The following DLG5 variants were observed in gnomAD, a reference collection of about 807,000 sequenced individuals.
DLG5 encodes disks large homolog 5.
DLG5 carries 48 observed loss-of-function variants against 189.8 expected under a neutral mutation model. The ratio of observed to expected loss-of-function variants is 0.25; its 90% CI spans 0.20 to 0.32. The LOEUF is 0.32. Among genes scored for constraint, DLG5 ranks in the 10% least tolerant of loss-of-function variants. The pLI, the probability that DLG5 is intolerant of heterozygous loss-of-function variation, is 1.00. For synonymous variants in DLG5, 1,016 were observed against 1,054.1 expected (o/e 0.96, Z 0.70); for missense variants, 2,160 against 2,544.7 (o/e 0.85, Z 3.25).
chr10:77,836,048 A>T, intron 7 of DLG5, 126 bp from the exon 8 acceptor site: 2 of 960,212 alleles, frequency 2.1e-6, no homozygotes, highest in Non-Finnish European at 3.0e-6. Context: ...CACGGAGCCC[A>T]TCGCAGCACA....
intron 20 of DLG5, among the ~76,000 whole-genome samples, chr10:77,813,474 C>T (rs1055868112): frequency 1.3e-5 from 2 of 152,166 alleles, no homozygotes; most frequent in African/African-American, 2.4e-5. Flanking sequence ...AAAGTGTTCC[C>T]ACTTCCCAAA....
At chr10:77,862,456 G>A (rs191404453) in intron 2 of DLG5, among the ~76,000 whole-genome samples, 60 of 152,290 alleles carry the variant, frequency 3.9e-4, no homozygotes, top group African/African-American at 1.3e-3. Flanking sequence ...CCAAATGCTG[G>A]CAAGGATACA....
intron 1 of DLG5, among the ~76,000 whole-genome samples, chr10:77,875,068 T>C (rs913041845): frequency 3.3e-5 from 5 of 152,224 alleles, no homozygotes; most frequent in African/African-American, 1.2e-4. Context: ...TTAGTCCCAT[T>C]TCACAGAGGA....
chr10:77,806,718 A>ACGGCCCCCCCC, intron 26 of DLG5, 40 bp downstream of exon 26: 1 of 1,333,654 alleles, frequency 7.5e-7, no homozygotes, highest in Non-Finnish European at 1.1e-6. Flanking sequence ...GCCCTCGGCG[A>ACGGCCCCCCCC]CCCCTGCCCC....
At chr10:77,811,008 C>T in intron 23 of DLG5, 86 bp downstream of exon 23, 1 of 1,516,252 alleles carries the variant, frequency 6.6e-7, no homozygotes, top group Non-Finnish European at 8.9e-7. Flanking sequence ...AGGCCAGCTG[C>T]CCAGTGCCCA....
chr10:77,887,493 A>C (rs1445648635), intron 1 of DLG5, among the ~76,000 whole-genome samples: 2 of 152,218 alleles, frequency 1.3e-5, no homozygotes, highest in African/African-American at 2.4e-5. Context: ...TTTTTTAAAT[A>C]AGCACTGTTG....
chr10:77,840,497 C>T (rs913888358), intron 7 of DLG5, among the ~76,000 whole-genome samples: 2 of 152,172 alleles, frequency 1.3e-5, no homozygotes, highest in African/African-American at 4.8e-5. Context: ...GCGGAAGGAT[C>T]GCTTGAGTCC....
intron 13 of DLG5, among the ~76,000 whole-genome samples, chr10:77,827,489 G>A (rs1309053538): frequency 6.6e-6 from 1 of 152,188 alleles, no homozygotes; most frequent in African/African-American, 2.4e-5. Context: ...GCCTCCCAAA[G>A]TGCCATGATT....
At chr10:77,882,028 C>T (rs770687288) in intron 1 of DLG5, among the ~76,000 whole-genome samples, 8 of 152,244 alleles carry the variant, frequency 5.3e-5, no homozygotes, top group Admixed American at 2.0e-4. Context: ...TCATCTACTT[C>T]GTGGGCTGCA....
chr10:77,828,616 C>T (rs1405011910), intron 13 of DLG5, among the ~76,000 whole-genome samples: 1 of 151,876 alleles, frequency 6.6e-6, no homozygotes, highest in Non-Finnish European at 1.5e-5. Context: ...GCACTCCAGC[C>T]TGAGGGACAG....
At chr10:77,934,852 G>T in the DLG5 span, among the ~76,000 whole-genome samples, 19,071 of 85,082 alleles carry the variant, frequency 0.22, 3,136 homozygotes, top group African/African-American at 0.5. Context: ...CTTTTTTTTT[G>T]TTTTTTTGTT....
chr10:77,809,357 G>C (rs1271760675), intron 24 of DLG5, among the ~76,000 whole-genome samples, 190 bp downstream of exon 24: 3 of 152,222 alleles, frequency 2.0e-5, no homozygotes, highest in African/African-American at 4.8e-5. Context: ...AGTGAGCTGA[G>C]ATTGTGCCAG....
chr10:77,883,691 CTTTTTTTTTTT>C (rs36028891), intron 1 of DLG5, among the ~76,000 whole-genome samples: 1 of 96,460 alleles, frequency 1.0e-5, no homozygotes, highest in African/African-American at 4.1e-5. Context: ...TAACATTGTT[CTTTTTTTTTTT>C]TTTTTTTTTT....
At chr10:77,906,639 T>TC (rs1295275294) in intron 1 of DLG5, among the ~76,000 whole-genome samples, 2 of 148,772 alleles carry the variant, frequency 1.3e-5, no homozygotes, top group South Asian at 2.2e-4. Flanking sequence ...TTTTTTTTTT[T>TC]CCTGAGATGG....
In DLG5 at chr10:77,859,796, C is replaced by T. The variant is rs147925252; in HGVS notation, c.374-2904G>A. 2.1e-3 allele frequency among the ~76,000 whole-genome samples: 327 copies of T among 152,342 alleles called. 1 individual carries two copies. The highest frequency in any genetic ancestry group is 7.6e-3 in the African/African-American group (318 of 41,570). On this transcript the variant is annotated intron_variant, in intron 2 of 31. Transcript: ENST00000372391. ...CAGCCAGGATTTCTCTGCTCCAGGC[C>T]GCACCTTTGGGGTCAAAATATTCTT...
chr10:77,911,540 T>C (rs1846220891), intron 1 of DLG5, among the ~76,000 whole-genome samples: 1 of 152,208 alleles, frequency 6.6e-6, no homozygotes, highest in African/African-American at 2.4e-5. Flanking sequence ...TACATTTGGA[T>C]AGCAGATTGG....
At chr10:77,810,294 G>T (rs73299466) in intron 23 of DLG5, among the ~76,000 whole-genome samples, 8,055 of 152,304 alleles carry the variant, frequency 0.053, 312 homozygotes, top group African/African-American at 0.088. Context: ...GGGGGCTTCA[G>T]GGGAGATGCC....
In DLG5 at chr10:77,917,178, T is replaced by A. The variant is rs527737930; in HGVS notation, c.304+9039A>T. Among the ~76,000 whole-genome samples the A allele has an allele frequency of 6.1e-3, 916 of 151,108 alleles. 6 individuals are homozygous for A. Among genetic ancestry groups the A allele is most frequent in the Admixed American group, 0.01 (157 of 15,156 alleles). On this transcript the variant is annotated intron_variant, in intron 1 of 31. Coordinates refer to ENST00000372391, the MANE Select transcript of DLG5 (RefSeq NM_004747.4). Reference sequence around the variant, plus strand: ...GGCAAAGCCCCGTCTCTTAAAAAAATACAAAAACAAAAAATCAGTCGGGCA... The same window carrying A: ...GGCAAAGCCCCGTCTCTTAAAAAAAAACAAAAACAAAAAATCAGTCGGGCA...
At chr10:77,869,261 G>A in intron 1 of DLG5, 64 bp from the exon 2 acceptor site, 1 of 1,489,406 alleles carries the variant, frequency 6.7e-7, no homozygotes, top group Non-Finnish European at 9.3e-7. Context: ...CCCCAAGCCA[G>A]CTGATCATCA....
Sources: allele counts gnomAD v4.1 joint callset (sites outside exome capture counted in the v4.1 genomes callset), GRCh38; gene constraint gnomAD v4.1.1; transcripts MANE v1.5; gene names NCBI Gene and HGNC (gene_info 2026-07-23, HGNC 2026-07-21).